SLC6A18: variants seen among roughly 807,000 people sequenced by gnomAD.
The protein encoded by SLC6A18 is solute carrier family 6 member 18.
SLC6A18 carries 58 observed loss-of-function variants against 62.9 expected under a neutral mutation model. That is an observed-to-expected ratio of 0.92 (90% confidence interval 0.75 to 1.15). The LOEUF is 1.15. Among genes scored for constraint, SLC6A18 ranks in the 50% most tolerant of loss-of-function variants. The pLI, the probability that SLC6A18 is intolerant of heterozygous loss-of-function variation, is 0.00. For synonymous variants in SLC6A18, 382 were observed against 365.8 expected (o/e 1.04, Z -0.51); for missense variants, 793 against 836.6 (o/e 0.95, Z 0.64).
intron 6 of SLC6A18, 59 bp from the exon 7 acceptor site, chr5:1,240,472 C>T: frequency 6.2e-7 from 1 of 1,603,942 alleles, no homozygotes; most frequent in Admixed American, 1.7e-5. Context: ...CACTTCCTCC[C>T]CTGGATGAGG....
chr5:1,245,720 C>T (rs988066664), intron 11 of SLC6A18, 128 bp from the exon 12 acceptor site: 5 of 1,028,322 alleles, frequency 4.9e-6, no homozygotes, highest in African/African-American at 4.9e-5. Flanking sequence ...CTGCTCTGGC[C>T]GTGCCTTTTC....
At chr5:1,233,434 T>C (rs1190466447) in intron 3 of SLC6A18, among the ~76,000 whole-genome samples, 1 of 151,862 alleles carries the variant, frequency 6.6e-6, no homozygotes, top group Non-Finnish European at 1.5e-5. Flanking sequence ...GCCGAGATCA[T>C]ACCACTGCAC....
Position 1,244,385 on chromosome 5 carries a change from C to T in SLC6A18, c.1496+12C>T, listed in dbSNP as rs959426943. On this transcript the variant is annotated intron_variant, in intron 10 of 11. Transcript: ENST00000324642. The stretch of plus-strand genomic sequence containing the variant: ...TATGGAATGAAACGGTGAGCTGCCG[C>T]CCCGCCGAGTGCTCCTCTGGGACCC... 4 of 1,613,690 alleles carry T rather than the reference C, an allele frequency of 2.5e-6. No individual in the cohort carries two copies. Among genetic ancestry groups the T allele is most frequent in the Non-Finnish European group, 3.4e-6 (4 of 1,179,674 alleles).
In SLC6A18 at chr5:1,238,039, C is replaced by A; in HGVS notation, c.711C>A (p.Leu237=). Residue 237 remains leucine (L), a synonymous_variant, in exon 5 of 12, where the codon CTC becomes CTA. Coordinates refer to ENST00000324642, the MANE Select transcript of SLC6A18 (RefSeq NM_182632.3). ...CCCTGCCAGGGGCAACAAAAGGACT[C>A]ATCTACTTGTTCACTCCCAACGTAA... ...GLTLPGATKG[L]IYLFTPNMHI... 1.2e-6 allele frequency: 2 copies of A among 1,614,056 alleles called. No individual in the cohort carries two copies. Among genetic ancestry groups the A allele is most frequent in the East Asian group, 4.5e-5 (2 of 44,878 alleles).
In SLC6A18 at chr5:1,244,223, G is replaced by T. The variant is rs1310375404; in HGVS notation, c.1346G>T (p.Cys449Phe). The change falls in exon 10 of 12, where the codon TGC becomes TTC. Residue 449 changes from cysteine to phenylalanine, a missense_variant. Transcript: ENST00000324642. ...TTTCCCACTGCCCCAGGGCTGGTCT[G>T]CCTGGTCTGCTTCCTCTCCGCCACC... ...VPKEALTGLV[C>F]LVCFLSATCF... is the part of the protein sequence containing the mutation. The T allele has an allele frequency of 1.3e-5, 21 of 1,602,866 alleles. No individual in the cohort carries two copies. The highest frequency in any genetic ancestry group is 1.8e-5 in the Non-Finnish European group (21 of 1,178,304).
chr5:1,231,823 G>A (rs1416008696), intron 1 of SLC6A18, among the ~76,000 whole-genome samples: 4 of 152,170 alleles, frequency 2.6e-5, no homozygotes, highest in African/African-American at 4.8e-5. Context: ...GCCCCTGCAG[G>A]CCTCCTTCCC....
intron 9 of SLC6A18, 113 bp from the exon 10 acceptor site, chr5:1,244,101 C>A: frequency 1.1e-6 from 1 of 900,794 alleles, no homozygotes; most frequent in South Asian, 1.6e-5. Flanking sequence ...CCCAGGTGCC[C>A]TGGCCCTCCC....
At position 1,235,471 on chromosome 5, in the gene SLC6A18, CT is replaced by C. The variant is rs1177935425; in HGVS notation, c.440-9del. The stretch of plus-strand genomic sequence containing the variant: ...CCACAGCCAGCCTGTGACAGGCCCC[CT>C]GGTTTCAGGGTTTGTGGAGGAGTGC... On this transcript the variant is annotated splice_polypyrimidine_tract_variant and intron_variant, in intron 3 of 11. Coordinates refer to ENST00000324642, the MANE Select transcript of SLC6A18 (RefSeq NM_182632.3). 3 of 1,611,646 alleles carry C rather than the reference CT, an allele frequency of 1.9e-6. No homozygotes were observed. In the African/African-American group the frequency reaches 4.0e-5, roughly 22 times the overall value.
chr5:1,232,661 ATGT>A (rs1746764202), intron 2 of SLC6A18, 87 bp from the exon 3 acceptor site: 1 of 1,509,660 alleles, frequency 6.6e-7, no homozygotes, highest in Non-Finnish European at 8.9e-7. Context: ...GTGTTATTTT[ATGT>A]TGTTATTTTG....
rs7447815 is a variant in SLC6A18 at position 1,240,642 on chromosome 5, C to T, written c.957C>T (p.Tyr319=). The change falls in exon 7 of 12, where the codon TAC becomes TAT. Residue 319 remains tyrosine, a synonymous_variant. Transcript: ENST00000324642. ...TGGGGTTCAAAGCAACTAATGACTA[C>T]GAGCACTGCCTGGACAGGTGAGCAC... is the stretch of plus-strand genomic sequence containing the variant. ...SVLGFKATND[Y]EHCLDRNILS... 5.0e-5 allele frequency: 81 copies of T among 1,613,820 alleles called. No individual in the cohort carries two copies. Among genetic ancestry groups the T allele is most frequent in the African/African-American group, 4.0e-4 (30 of 74,954 alleles).
At chr5:1,228,843 G>A (rs554627170) in intron 1 of SLC6A18, among the ~76,000 whole-genome samples, 1 of 152,360 alleles carries the variant, frequency 6.6e-6, no homozygotes, top group South Asian at 2.1e-4. Context: ...CTGTACTCCA[G>A]CCTGGATGAC....
chr5:1,237,309 G>A (rs923721017), intron 4 of SLC6A18, among the ~76,000 whole-genome samples: 2 of 151,858 alleles, frequency 1.3e-5, no homozygotes, highest in Non-Finnish European at 2.9e-5. Flanking sequence ...GGGGAACTGA[G>A]GAGAGGAGTG....
intron 1 of SLC6A18, among the ~76,000 whole-genome samples, chr5:1,228,838 C>G (rs4075300): frequency 0.15 from 22,102 of 152,256 alleles, 1,725 homozygotes; most frequent in Middle Eastern, 0.22. Flanking sequence ...TGCCACTGTA[C>G]TCCAGCCTGG....
At chr5:1,245,746 C>T in intron 11 of SLC6A18, 102 bp from the exon 12 acceptor site, 1 of 1,244,098 alleles carries the variant, frequency 8.0e-7, no homozygotes, top group Non-Finnish European at 1.1e-6. Flanking sequence ...CCATCCAAGT[C>T]CGGGTGGGCA....
Position 1,245,200 on chromosome 5 carries a change from A to C in SLC6A18, c.1656+433A>C, listed in dbSNP as rs147333613. Among the ~76,000 whole-genome samples the C allele has an allele frequency of 5.2e-3, 784 of 152,226 alleles. 4 individuals are homozygous for C. The highest frequency in any genetic ancestry group is 0.018 in the African/African-American group (747 of 41,532). ...AGGTTGTGCACAGACCCCTACTGCC[A>C]CCCAGTGGGTCAGTTTGGCTGGAGG... On this transcript the variant is annotated intron_variant, in intron 11 of 11. Transcript: ENST00000324642.
At chr5:1,242,942 C>A in intron 8 of SLC6A18, 79 bp downstream of exon 8, 1 of 1,446,784 alleles carries the variant, frequency 6.9e-7, no homozygotes, top group Non-Finnish European at 9.3e-7. Context: ...GTCCCACTGC[C>A]AAAGGCTGCA....
chr5:1,243,614 G>C lies in SLC6A18; in HGVS notation c.1191G>C (p.Pro397=). The C allele has an allele frequency of 6.2e-7, 1 of 1,613,904 alleles. No homozygotes were observed. Reference sequence around the variant, plus strand: ...TCACGGAGACCGACCTCCACATGCCGGGGGCTCCTGTGTGGGCCATGCTCT... The same window carrying C: ...TCACGGAGACCGACCTCCACATGCCCGGGGCTCCTGTGTGGGCCATGCTCT... ...VVFTETDLHM[P]GAPVWAMLFF... is the part of the protein sequence containing the mutation. Residue 397 remains proline, a synonymous_variant, in exon 9 of 12, where the codon CCG becomes CCC. Transcript: ENST00000324642. The surrounding 1 kb of genome is among the most constrained non-coding windows in gnomAD (Gnocchi z 6.5).
At position 1,237,986 on chromosome 5, in the gene SLC6A18, C is replaced by T; in HGVS notation, c.658C>T (p.Leu220=). ...YFTALFPYLV[L]TIFLIRGLTL... ...CACAGCTTTGTTCCCTTACCTGGTCCTGACCATCTTTCTCATCAGAGGGCT... is the reference window on the plus strand; with the variant it reads ...CACAGCTTTGTTCCCTTACCTGGTCTTGACCATCTTTCTCATCAGAGGGCT... The change falls in exon 5 of 12, where the codon CTG becomes TTG. Residue 220 remains leucine, a synonymous_variant. Coordinates refer to ENST00000324642, the MANE Select transcript of SLC6A18 (RefSeq NM_182632.3). The T allele has an allele frequency of 6.2e-7, 1 of 1,614,234 alleles. No homozygotes were observed. The highest frequency in any genetic ancestry group is 2.2e-5 in the East Asian group (1 of 44,888).
At chr5:1,240,457 C>T in intron 6 of SLC6A18, 74 bp from the exon 7 acceptor site, 1 of 1,590,742 alleles carries the variant, frequency 6.3e-7, no homozygotes, top group Non-Finnish European at 8.6e-7. Flanking sequence ...GGGAAGCCCC[C>T]TCCTCACTTC....
Sources: gnomAD v4.1 joint callset for allele counts (sites outside exome capture counted in the v4.1 genomes callset) on GRCh38, gnomAD v4.1.1 for gene constraint, Gnocchi (gnomAD v3.1) non-coding constraint, MANE v1.5 for transcripts, NCBI Gene and HGNC (gene_info 2026-07-23, HGNC 2026-07-21) for gene names.